The following DPP10 variants were observed in gnomAD, a reference collection of about 807,000 sequenced individuals.
DPP10 encodes dipeptidyl peptidase like 10, also known as inactive dipeptidyl peptidase 10.
A neutral mutation model predicts 120.9 loss-of-function variants in DPP10; 33 were observed. That is an observed-to-expected ratio of 0.27 (90% CI 0.21 to 0.37). The LOEUF is 0.37. DPP10 is among the 10% of genes least tolerant of loss of function. The pLI is 1.00. For missense variants in DPP10, 816 were observed against 942.8 expected (o/e 0.87, Z 1.76); for synonymous variants, 337 against 326.1 (o/e 1.03, Z -0.36).
chr2:115,327,485 C>G (rs1327665913), intron 2 of DPP10, among the ~76,000 whole-genome samples: 2 of 151,932 alleles, frequency 1.3e-5, no homozygotes, highest in East Asian at 3.9e-4. Flanking sequence ...TGAAGGGGCT[C>G]GAATTTTTTT....
chr2:115,396,937 G>T (rs971730978), intron 3 of DPP10, among the ~76,000 whole-genome samples: 1 of 152,042 alleles, frequency 6.6e-6, no homozygotes. Flanking sequence ...CTCCTGTCAC[G>T]CTGAGTAAAC....
chr2:115,098,205 G>A (rs2048496213), intron 1 of DPP10, among the ~76,000 whole-genome samples: 1 of 152,132 alleles, frequency 6.6e-6, no homozygotes, highest in Non-Finnish European at 1.5e-5. Context: ...GGCTCTGACT[G>A]AGAGCTTTCA....
intron 1 of DPP10, among the ~76,000 whole-genome samples, chr2:115,106,769 A>ATGTGTT (rs2048964428): frequency 6.6e-6 from 1 of 151,944 alleles, no homozygotes; most frequent in Non-Finnish European, 1.5e-5. Context: ...CCTGATGTGT[A>ATGTGTT]CTCTCTTAAA....
chr2:115,234,541 TG>T (rs2057901216), intron 1 of DPP10: 2 of 152,772 alleles, frequency 1.3e-5, no homozygotes, highest in Non-Finnish European at 2.9e-5. Context: ...AGCAGTTTTC[TG>T]TACTCTAGTC....
At chr2:115,484,985 C>T (rs1215030924) in intron 3 of DPP10, among the ~76,000 whole-genome samples, 3 of 151,966 alleles carry the variant, frequency 2.0e-5, no homozygotes, top group African/African-American at 7.2e-5. Flanking sequence ...GCAGGAGAAT[C>T]GCTTGAACCC....
At chr2:114,550,053 A>G (rs1191702095) in intron 1 of DPP10, among the ~76,000 whole-genome samples, 2 of 152,146 alleles carry the variant, frequency 1.3e-5, no homozygotes, top group Non-Finnish European at 2.9e-5. Context: ...TTCCAGTCTT[A>G]GTATCTTTTG....
intron 1 of DPP10, among the ~76,000 whole-genome samples, chr2:114,508,332 T>C (rs1441212983): frequency 6.6e-6 from 1 of 152,246 alleles, no homozygotes; most frequent in Non-Finnish European, 1.5e-5. Flanking sequence ...TAGAATTCCA[T>C]ATACATGGAA....
chr2:115,109,273 C>T (rs1458091813), intron 1 of DPP10, among the ~76,000 whole-genome samples: 1 of 152,114 alleles, frequency 6.6e-6, no homozygotes, highest in Non-Finnish European at 1.5e-5. Context: ...CATGGTGGCT[C>T]ACGCGTGTAA....
chr2:115,721,054 C>T (rs2092637356), intron 7 of DPP10, among the ~76,000 whole-genome samples: 1 of 152,138 alleles, frequency 6.6e-6, no homozygotes, highest in Non-Finnish European at 1.5e-5. Flanking sequence ...CAGTGATTGA[C>T]TCTGGAAGGT....
At position 115,628,156 on chromosome 2, in the gene DPP10, ATC is replaced by A. The variant is rs781255573; in HGVS notation, c.442-61526_442-61525del. Among the ~76,000 whole-genome samples the A allele has an allele frequency of 1.8e-3, 276 of 152,226 alleles. 3 individuals carry two copies. The highest frequency in any genetic ancestry group is 2.6e-3 in the Non-Finnish European group (174 of 68,000). On this transcript the variant is annotated intron_variant, in intron 5 of 25. Transcript: ENST00000410059. Reference sequence around the variant, plus strand: ...TCACCAACAGTGTAAAAGCATTCCTATCTCTCCACAGCTTCACCAGCTCTGTT... The same window carrying A: ...TCACCAACAGTGTAAAAGCATTCCTATCTCCACAGCTTCACCAGCTCTGTT...
intron 17 of DPP10, among the ~76,000 whole-genome samples, chr2:115,782,799 T>G (rs886548730): frequency 2.6e-5 from 4 of 152,126 alleles, no homozygotes; most frequent in African/African-American, 9.6e-5. Flanking sequence ...ATTTTATATA[T>G]TTTCTATCCT....
At chr2:114,522,065 C>T (rs1401407147) in intron 1 of DPP10, among the ~76,000 whole-genome samples, 9 of 145,202 alleles carry the variant, frequency 6.2e-5, no homozygotes, top group East Asian at 4.0e-4. Flanking sequence ...CTGCAAGCTC[C>T]GCCTCCCGGG....
chr2:114,820,676 T>A (rs564138654), intron 1 of DPP10, among the ~76,000 whole-genome samples: 1 of 152,246 alleles, frequency 6.6e-6, no homozygotes, highest in East Asian at 1.9e-4. Context: ...GCCCTCTATA[T>A]AAAACCATCA....
intron 3 of DPP10, among the ~76,000 whole-genome samples, chr2:115,451,671 T>C (rs1325680951): frequency 1.3e-5 from 2 of 151,996 alleles, no homozygotes; most frequent in African/African-American, 4.8e-5. Flanking sequence ...AGAAGTACTT[T>C]ATTCTCATTC....
intron 8 of DPP10, 61 bp downstream of exon 8, chr2:115,727,997 C>CA (rs142268989): frequency 9.5e-4 from 1,451 of 1,525,764 alleles, no homozygotes; most frequent in African/African-American, 2.5e-3. Context: ...CAAAATCTAC[C>CA]AAAAAAAATC....
chr2:115,598,592 A>C (rs1007949912), intron 5 of DPP10, among the ~76,000 whole-genome samples: 11 of 151,984 alleles, frequency 7.2e-5, no homozygotes, highest in Non-Finnish European at 1.5e-4. Context: ...ACTATCCTGT[A>C]ATTACAGTTG....
At chr2:114,577,394 A>G (rs1403835287) in intron 1 of DPP10, among the ~76,000 whole-genome samples, 2 of 152,196 alleles carry the variant, frequency 1.3e-5, no homozygotes, top group African/African-American at 2.4e-5. Flanking sequence ...GAGGACATAT[A>G]AATTGAAAGC....
At chr2:115,510,045 T>C (rs189058641) in intron 4 of DPP10, among the ~76,000 whole-genome samples, 66 of 152,300 alleles carry the variant, frequency 4.3e-4, no homozygotes, top group African/African-American at 1.5e-3. Flanking sequence ...CCATTTTTTA[T>C]TGAGCTCTTT....
intron 2 of DPP10, among the ~76,000 whole-genome samples, chr2:115,330,627 G>T (rs1260593290): frequency 6.6e-6 from 1 of 151,920 alleles, no homozygotes; most frequent in Non-Finnish European, 1.5e-5. Context: ...TGTAAGGAAG[G>T]GATCCAGTTT....
Sources: allele counts gnomAD v4.1 joint callset (sites outside exome capture counted in the v4.1 genomes callset), GRCh38; gene constraint gnomAD v4.1.1; transcripts MANE v1.5; gene names NCBI Gene and HGNC (gene_info 2026-07-23, HGNC 2026-07-21).